ST6GALNAC5: variants seen among roughly 807,000 people sequenced by gnomAD.
ST6GALNAC5 encodes the protein ST6 N-acetylgalactosaminide alpha-2,6-sialyltransferase 5.
ST6GALNAC5 carries 27 observed loss-of-function variants against 33.6 expected under a neutral mutation model. The ratio of observed to expected loss-of-function variants is 0.80; its 90% CI spans 0.59 to 1.11. The LOEUF (loss-of-function observed/expected upper bound fraction) is 1.11, where lower values mean the gene tolerates loss of function less well. Ranked by LOEUF, ST6GALNAC5 falls within the 50% of genes least tolerant of loss-of-function variation. The probability of loss-of-function intolerance (pLI) is 0.00; values close to 1 mark genes in which losing one functional copy is unlikely to be tolerated. For missense variants in ST6GALNAC5, 428 were observed against 454.0 expected (o/e 0.94, Z 0.52); for synonymous variants, 194 against 171.2 (o/e 1.13, Z -1.04).
chr1:77,043,031 A>C (rs1651885090), intron 2 of ST6GALNAC5, among the ~76,000 whole-genome samples: 1 of 152,210 alleles, frequency 6.6e-6, no homozygotes, highest in South Asian at 2.1e-4. Context: ...TGTCTCAGGA[A>C]ACTCCCAAAA....
At chr1:76,876,966 T>C (rs1653655021) in intron 2 of ST6GALNAC5, among the ~76,000 whole-genome samples, 1 of 152,206 alleles carries the variant, frequency 6.6e-6, no homozygotes, top group Non-Finnish European at 1.5e-5. Context: ...AACTAACTTG[T>C]GCCTTCAGGA....
rs190667590 is a variant in ST6GALNAC5, at chr1:76,873,337, A to G, written c.261+4595A>G. Among the ~76,000 whole-genome samples the G allele has an allele frequency of 8.6e-4, 131 of 152,302 alleles. 1 individual carries two copies. Among genetic ancestry groups the G allele is most frequent in the Non-Finnish European group, 1.1e-3 (74 of 68,028 alleles). ...TTTATTTTCCTTATAACACTTAACA[A>G]TATCTGAAATAATCTTAAAGTTTAT... On this transcript the variant is annotated intron_variant, in intron 2 of 4. Coordinates refer to ENST00000477717, the MANE Select transcript of ST6GALNAC5 (RefSeq NM_030965.3).
chr1:77,052,727 T>C (rs1371458744), intron 4 of ST6GALNAC5, among the ~76,000 whole-genome samples: 1 of 151,800 alleles, frequency 6.6e-6, no homozygotes, highest in Non-Finnish European at 1.5e-5. Context: ...AAGACCAGCC[T>C]GGCCAACATG....
chr1:76,916,058 C>T (rs1023697131), intron 2 of ST6GALNAC5, among the ~76,000 whole-genome samples: 2 of 149,892 alleles, frequency 1.3e-5, no homozygotes, highest in South Asian at 4.2e-4. Context: ...ATAGATTGCT[C>T]ACTTTTCCTT....
Position 77,063,917 on chromosome 1 carries a change from T to G in ST6GALNAC5, c.*711T>G, listed in dbSNP as rs1391174998. 6.6e-6 allele frequency: 1 copy of G among 152,628 alleles called. No individual in the cohort carries two copies. Among genetic ancestry groups the G allele is most frequent in the Non-Finnish European group, 1.5e-5 (1 of 68,024 alleles). 9.5% of individuals were successfully genotyped at this position (152,628 alleles called of 1,614,324 possible). A position where few individuals can be genotyped will look rare whatever the true frequency, so the allele number is the denominator to read the frequency against. ...TTGACTTGGAAGTGTTGTGTTGTAT[T>G]TTTTGAACCCCTAGGCTTCAGGAAA... On this transcript the variant is annotated 3_prime_UTR_variant, in exon 5 of 5. Coordinates refer to ENST00000477717, the MANE Select transcript of ST6GALNAC5 (RefSeq NM_030965.3).
At chr1:76,910,438 G>T (rs1319597790) in intron 2 of ST6GALNAC5, among the ~76,000 whole-genome samples, 1 of 151,910 alleles carries the variant, frequency 6.6e-6, no homozygotes, top group Non-Finnish European at 1.5e-5. Context: ...AAGCGTTTTA[G>T]CTGTCTAAAA....
chr1:76,993,915 G>T (rs1236141218), intron 2 of ST6GALNAC5, among the ~76,000 whole-genome samples: 1 of 150,228 alleles, frequency 6.7e-6, no homozygotes, highest in Non-Finnish European at 1.5e-5. Flanking sequence ...GGTTGAAAAG[G>T]AAAAAAAGAA....
intron 2 of ST6GALNAC5, among the ~76,000 whole-genome samples, chr1:76,912,604 G>A (rs1393615365): frequency 6.6e-6 from 1 of 150,942 alleles, no homozygotes; most frequent in African/African-American, 2.4e-5. Flanking sequence ...GAATCTGGGT[G>A]TTCCTGTATT....
chr1:76,868,231 C>T lies in ST6GALNAC5; in HGVS notation c.16-266C>T, dbSNP rs369129286. On this transcript the variant is annotated intron_variant, in intron 1 of 4. Coordinates refer to ENST00000477717, the MANE Select transcript of ST6GALNAC5 (RefSeq NM_030965.3). This position sits in a 1 kb window ranked among gnomAD's most constrained non-coding sequence, Gnocchi z 4.3. ...TGTCCTCGGCCCCGGCGCGCTCCCTCCCTCAGCCCGGGGCCGTACACCACC... is the reference window on the plus strand; with the variant it reads ...TGTCCTCGGCCCCGGCGCGCTCCCTTCCTCAGCCCGGGGCCGTACACCACC... Among the ~76,000 whole-genome samples, 28 of 152,252 alleles carry T rather than the reference C, an allele frequency of 1.8e-4. No homozygotes were observed. The highest frequency in any genetic ancestry group is 6.7e-4 in the African/African-American group (28 of 41,580).
chr1:77,034,395 C>T (rs1423054098), intron 2 of ST6GALNAC5, among the ~76,000 whole-genome samples: 1 of 152,176 alleles, frequency 6.6e-6, no homozygotes, highest in Non-Finnish European at 1.5e-5. Context: ...AGTATGACCT[C>T]ACCCTGACTT....
chr1:76,997,979 C>G (rs1649999440), intron 2 of ST6GALNAC5, among the ~76,000 whole-genome samples: 1 of 152,146 alleles, frequency 6.6e-6, no homozygotes, highest in Admixed American at 6.5e-5. Flanking sequence ...CTCATGAGAT[C>G]TGATGGTTTT....
chr1:76,999,937 G>A (rs79510047), intron 2 of ST6GALNAC5, among the ~76,000 whole-genome samples: 4 of 101,950 alleles, frequency 3.9e-5, no homozygotes, highest in Non-Finnish European at 9.7e-5. Flanking sequence ...TGTGAATAAT[G>A]CCGCAATAAA....
chr1:76,916,945 A>G (rs1481373682), intron 2 of ST6GALNAC5, among the ~76,000 whole-genome samples: 1 of 152,174 alleles, frequency 6.6e-6, no homozygotes, highest in Non-Finnish European at 1.5e-5. Flanking sequence ...AACAAAGTAC[A>G]TTGGTAAATG....
Position 76,868,363 on chromosome 1 carries a change from G to A in ST6GALNAC5, c.16-134G>A, listed in dbSNP as rs1653400263. 2 of 1,336,564 alleles carry A rather than the reference G, an allele frequency of 1.5e-6. No homozygotes were observed. The highest frequency in any genetic ancestry group is 2.7e-4 in the Middle Eastern group (1 of 3,648). 82.8% of individuals were successfully genotyped at this position (1,336,564 alleles called of 1,614,324 possible). ...GGTGCTTTCTCTGTCCCAGTTGCGTGCGGCGGGGCTGGGGCCCAGGCCGCC... is the reference window on the plus strand; with the variant it reads ...GGTGCTTTCTCTGTCCCAGTTGCGTACGGCGGGGCTGGGGCCCAGGCCGCC... On this transcript the variant is annotated intron_variant, in intron 1 of 4. Coordinates refer to ENST00000477717, the MANE Select transcript of ST6GALNAC5 (RefSeq NM_030965.3). This position sits in a 1 kb window ranked among gnomAD's most constrained non-coding sequence, Gnocchi z 4.3.
intron 2 of ST6GALNAC5, among the ~76,000 whole-genome samples, chr1:77,007,701 C>A (rs970000056): frequency 3.9e-5 from 6 of 152,176 alleles, no homozygotes; most frequent in Admixed American, 2.0e-4. Flanking sequence ...AGATGCAAAC[C>A]TGTGGGAGGA....
At chr1:76,895,696 G>C (rs34711301) in intron 2 of ST6GALNAC5, among the ~76,000 whole-genome samples, 57,621 of 151,402 alleles carry the variant, frequency 0.38, 11,289 homozygotes, top group Non-Finnish European at 0.44. Flanking sequence ...TGGAGAAACA[G>C]TGTAAACTGG....
At chr1:76,885,214 G>A (rs142413145) in intron 2 of ST6GALNAC5, among the ~76,000 whole-genome samples, 114 of 152,082 alleles carry the variant, frequency 7.5e-4, no homozygotes, top group African/African-American at 2.6e-3. Flanking sequence ...GAGTTTCCTC[G>A]CCTCATCCCC....
chr1:77,001,083 A>G (rs1426704102), intron 2 of ST6GALNAC5, among the ~76,000 whole-genome samples: 1 of 152,016 alleles, frequency 6.6e-6, no homozygotes, highest in Admixed American at 6.6e-5. Flanking sequence ...TACCTTGGCC[A>G]GTATGGTCAT....
chr1:76,876,401 G>A (rs913812341), intron 2 of ST6GALNAC5, among the ~76,000 whole-genome samples: 2 of 152,176 alleles, frequency 1.3e-5, no homozygotes, highest in African/African-American at 2.4e-5. Flanking sequence ...GGGGTGGCTG[G>A]GGAAAGAGGC....
Sources: allele counts gnomAD v4.1 joint callset (sites outside exome capture counted in the v4.1 genomes callset), GRCh38; gene constraint gnomAD v4.1.1; non-coding constraint Gnocchi (gnomAD v3.1); transcripts MANE v1.5; gene names NCBI Gene and HGNC (gene_info 2026-07-23, HGNC 2026-07-21).